The following SPOPL variants were observed in gnomAD, a reference collection of about 807,000 sequenced individuals.
The protein encoded by SPOPL is speckle-type POZ protein-like.
Under a neutral mutation model 53.8 loss-of-function variants are expected in SPOPL, and 23 were observed. The ratio of observed to expected loss-of-function variants is 0.43; its 90% confidence interval spans 0.31 to 0.61. The LOEUF (loss-of-function observed/expected upper bound fraction) is 0.61, where lower values mean the gene tolerates loss of function less well. Among genes scored for constraint, SPOPL ranks in the 20% least tolerant of loss-of-function variants. SPOPL has a pLI of 0.12. For missense variants in SPOPL, 442 were observed against 466.9 expected (o/e 0.95, Z 0.49); for synonymous variants, 164 against 149.7 (o/e 1.10, Z -0.70).
At chr2:138,540,059 T>TA (rs1183135101) in intron 1 of SPOPL, among the ~76,000 whole-genome samples, 3 of 152,212 alleles carry the variant, frequency 2.0e-5, no homozygotes, top group African/African-American at 7.2e-5. Flanking sequence ...TGGTTGTAGA[T>TA]ACGCGGCATT....
intron 1 of SPOPL, among the ~76,000 whole-genome samples, chr2:138,528,120 T>TA (rs1281134797): frequency 1.3e-5 from 2 of 152,326 alleles, no homozygotes; most frequent in African/African-American, 4.8e-5. Flanking sequence ...ACAAGAGACA[T>TA]ACCCAGACAG....
chr2:138,524,857 T>C (rs1414270654), intron 1 of SPOPL, among the ~76,000 whole-genome samples: 1 of 152,214 alleles, frequency 6.6e-6, no homozygotes, highest in Non-Finnish European at 1.5e-5. Context: ...AAACTCCCTA[T>C]CTTCCTGTCT....
chr2:138,554,546 T>C, intron 5 of SPOPL: 1 of 1,273,350 alleles, frequency 7.9e-7, no homozygotes, highest in Non-Finnish European at 1.0e-6. Context: ...GTAAGGCAGT[T>C]GGGTGCTACC....
At chr2:138,563,709 T>C (rs546882871) in intron 8 of SPOPL, among the ~76,000 whole-genome samples, 62 of 152,320 alleles carry the variant, frequency 4.1e-4, no homozygotes, top group African/African-American at 1.4e-3. Flanking sequence ...GAAAAGTGTT[T>C]GACAGTTTCT....
rs1377479258 is a variant in SPOPL, at chr2:138,529,537, T to TGCGCGCGA, written c.-60-20617_-60-20616insCGCGAGCG. Among the ~76,000 whole-genome samples the TGCGCGCGA allele has an allele frequency of 3.0e-5, 3 of 100,082 alleles. 1 individual carries two copies. The highest frequency in any genetic ancestry group is 2.3e-5 in the Non-Finnish European group (1 of 44,038). The allele number at this position is 100,082 out of a possible 152,430, so 65.7% of individuals were successfully genotyped here. Reference sequence around the variant, plus strand: ...GTGTGTGTGTGTGTGTGTGTGTGTTTGCGTGCGCGCGCGCTTCTGCATTCT... The same window carrying TGCGCGCGA: ...GTGTGTGTGTGTGTGTGTGTGTGTTTGCGCGCGAGCGTGCGCGCGCGCTTCTGCATTCT... On this transcript the variant is annotated intron_variant, in intron 1 of 10. Coordinates refer to ENST00000280098, the MANE Select transcript of SPOPL (RefSeq NM_001001664.3).
chr2:138,549,039 G>C (rs1685256796), intron 1 of SPOPL, among the ~76,000 whole-genome samples: 1 of 152,096 alleles, frequency 6.6e-6, no homozygotes, highest in African/African-American at 2.4e-5. Context: ...TGAAATGGCT[G>C]TTAGGTCTAG....
chr2:138,553,507 A>G (rs949106698), intron 5 of SPOPL, among the ~76,000 whole-genome samples: 7 of 152,160 alleles, frequency 4.6e-5, no homozygotes, highest in African/African-American at 1.7e-4. Flanking sequence ...TCATGTACTC[A>G]ACATTAGATA....
At position 138,529,535 on chromosome 2, in the gene SPOPL, T is replaced by C. The variant is rs868094708; in HGVS notation, c.-60-20622T>C. On this transcript the variant is annotated intron_variant, in intron 1 of 10. Coordinates refer to ENST00000280098, the MANE Select transcript of SPOPL (RefSeq NM_001001664.3). ...GTGTGTGTGTGTGTGTGTGTGTGTG[T>C]TTGCGTGCGCGCGCGCTTCTGCATT... Among the ~76,000 whole-genome samples the C allele has an allele frequency of 7.9e-3, 821 of 103,288 alleles. 9 individuals are homozygous for C. Among genetic ancestry groups the C allele is most frequent in the African/African-American group, 0.025 (677 of 27,576 alleles). The allele number at this position is 103,288 out of a possible 152,430, so 67.8% of individuals were successfully genotyped here. A position where few individuals can be genotyped will look rare whatever the true frequency, so the allele number is the denominator to read the frequency against.
intron 1 of SPOPL, among the ~76,000 whole-genome samples, chr2:138,502,394 C>T (rs1359799281): frequency 6.6e-6 from 1 of 152,246 alleles, no homozygotes; most frequent in Non-Finnish European, 1.5e-5. Flanking sequence ...TCCAGGATCC[C>T]CTTTAGTTTT....
chr2:138,547,224 C>A (rs1685215197), intron 1 of SPOPL, among the ~76,000 whole-genome samples: 1 of 152,126 alleles, frequency 6.6e-6, no homozygotes, highest in African/African-American at 2.4e-5. Flanking sequence ...CCTCAGCCTC[C>A]CAAAGTGCTG....
At chr2:138,505,981 G>A (rs931902545) in intron 1 of SPOPL, among the ~76,000 whole-genome samples, 11 of 152,150 alleles carry the variant, frequency 7.2e-5, no homozygotes, top group Non-Finnish European at 1.5e-4. Context: ...ACTTCAGCAC[G>A]TGAGGTTGGT....
intron 5 of SPOPL, among the ~76,000 whole-genome samples, chr2:138,555,564 TG>T (rs1361520697): frequency 6.6e-6 from 1 of 152,218 alleles, no homozygotes; most frequent in Non-Finnish European, 1.5e-5. Context: ...TTTCTCACTT[TG>T]GAGCCGGTGT....
intron 1 of SPOPL, among the ~76,000 whole-genome samples, chr2:138,536,361 C>CAT (rs33972762): frequency 1.3e-5 from 2 of 152,012 alleles, no homozygotes; most frequent in East Asian, 1.9e-4. Flanking sequence ...CACACACACA[C>CAT]GCACACAGTG....
At chr2:138,559,460 A>G (rs1371895301) in intron 7 of SPOPL, 123 bp downstream of exon 7, 4 of 953,222 alleles carry the variant, frequency 4.2e-6, no homozygotes, top group Non-Finnish European at 6.2e-6. Flanking sequence ...AAATTTTTAC[A>G]AACAGGAAAA....
chr2:138,517,440 T>A (rs1199606134), intron 1 of SPOPL, among the ~76,000 whole-genome samples: 1 of 152,146 alleles, frequency 6.6e-6, no homozygotes, highest in South Asian at 2.1e-4. Flanking sequence ...TCTTCAGTAA[T>A]TTTAAGTAAA....
chr2:138,531,165 ATATAAT>A (rs1169204374), intron 1 of SPOPL, among the ~76,000 whole-genome samples: 5 of 151,804 alleles, frequency 3.3e-5, no homozygotes, highest in African/African-American at 9.7e-5. Flanking sequence ...ATTATAAATA[ATATAAT>A]TATATACTTA....
At chr2:138,517,917 G>A (rs1177462267) in intron 1 of SPOPL, among the ~76,000 whole-genome samples, 5 of 151,118 alleles carry the variant, frequency 3.3e-5, no homozygotes, top group Admixed American at 2.0e-4. Flanking sequence ...GTGTGGTGGC[G>A]CACACCTGTA....
chr2:138,527,134 A>C (rs1465725957), intron 1 of SPOPL, among the ~76,000 whole-genome samples: 3 of 152,060 alleles, frequency 2.0e-5, no homozygotes, highest in Non-Finnish European at 4.4e-5. Flanking sequence ...GATAACATAG[A>C]AGTTTTAGGA....
intron 1 of SPOPL, among the ~76,000 whole-genome samples, chr2:138,541,591 C>CT (rs1685073025): frequency 6.6e-6 from 1 of 152,118 alleles, no homozygotes; most frequent in Admixed American, 6.5e-5. Flanking sequence ...GTGATATCCC[C>CT]TTTATCATTT....
Sources: gnomAD v4.1 joint callset for allele counts (sites outside exome capture counted in the v4.1 genomes callset) on GRCh38, gnomAD v4.1.1 for gene constraint, MANE v1.5 for transcripts, NCBI Gene and HGNC (gene_info 2026-07-23, HGNC 2026-07-21) for gene names.